Variants in HS3ST4 observed in about 807,000 individuals in gnomAD.
The protein encoded by HS3ST4 is heparan sulfate-glucosamine 3-sulfotransferase 4, also known as heparan sulfate glucosamine 3-O-sulfotransferase 4.
Under a neutral mutation model 29.2 loss-of-function variants are expected in HS3ST4, and 17 were observed. The observed-to-expected ratio is 0.58, with a 90% CI of 0.40 to 0.87. The LOEUF (loss-of-function observed/expected upper bound fraction) is 0.87. Ranked by LOEUF, HS3ST4 falls within the 40% of genes least tolerant of loss-of-function variation. The pLI, the probability that HS3ST4 is intolerant of heterozygous loss-of-function variation, is 0.00. For synonymous variants in HS3ST4, 314 were observed against 285.7 expected (o/e 1.10, Z -1.00); for missense variants, 627 against 634.5 (o/e 0.99, Z 0.13).
chr16:26,106,400 C>T (rs1452274569), intron 1 of HS3ST4, among the ~76,000 whole-genome samples: 9 of 152,140 alleles, frequency 5.9e-5, no homozygotes, highest in Non-Finnish European at 1.0e-4. Context: ...TATCTGGCTA[C>T]TTTATTTGAT....
chr16:25,869,990 A>G (rs750450216), intron 1 of HS3ST4, among the ~76,000 whole-genome samples: 10 of 152,300 alleles, frequency 6.6e-5, no homozygotes, highest in South Asian at 2.1e-4. Flanking sequence ...TGGAGTGTTC[A>G]TCTCTATCTC....
intron 1 of HS3ST4, among the ~76,000 whole-genome samples, chr16:25,836,853 C>G (rs1436803262): frequency 2.0e-5 from 3 of 152,194 alleles, no homozygotes; most frequent in Non-Finnish European, 4.4e-5. Context: ...GAAGCCTACA[C>G]AATTTATAGT....
chr16:25,963,008 A>T (rs949317399), intron 1 of HS3ST4, among the ~76,000 whole-genome samples: 6 of 152,216 alleles, frequency 3.9e-5, no homozygotes, highest in Non-Finnish European at 7.3e-5. Flanking sequence ...GTGTATTTAT[A>T]TCAAAACGAA....
chr16:25,718,071 A>C (rs1198011886), intron 1 of HS3ST4, among the ~76,000 whole-genome samples: 1 of 152,188 alleles, frequency 6.6e-6, no homozygotes, highest in Non-Finnish European at 1.5e-5. Flanking sequence ...CTTGTGTAAC[A>C]GGATGGGAGA....
chr16:26,096,636 A>G (rs1898929949), intron 1 of HS3ST4, among the ~76,000 whole-genome samples: 1 of 152,226 alleles, frequency 6.6e-6, no homozygotes, highest in South Asian at 2.1e-4. Flanking sequence ...CACAGCCATT[A>G]TCATACAGAA....
At chr16:25,919,562 A>G (rs1024988000) in intron 1 of HS3ST4, among the ~76,000 whole-genome samples, 1 of 152,286 alleles carries the variant, frequency 6.6e-6, no homozygotes, top group Non-Finnish European at 1.5e-5. Flanking sequence ...GGACTTGGTG[A>G]TATCACTTAG....
chr16:25,912,194 A>G (rs1968248079), intron 1 of HS3ST4, among the ~76,000 whole-genome samples: 2 of 152,156 alleles, frequency 1.3e-5, no homozygotes, highest in African/African-American at 4.8e-5. Flanking sequence ...CCATTTCTCC[A>G]TGGTAAAACC....
Position 25,873,520 on chromosome 16 carries a change from A to G in HS3ST4, c.734+180369A>G, listed in dbSNP as rs368978696. Among the ~76,000 whole-genome samples, 134 of 142,552 alleles carry G rather than the reference A, an allele frequency of 9.4e-4. 2 individuals are homozygous for G. The highest frequency in any genetic ancestry group is 4.3e-3 in the Middle Eastern group (1 of 232). 93.5% of individuals were successfully genotyped at this position (142,552 alleles called of 152,430 possible). On this transcript the variant is annotated intron_variant, in intron 1 of 1. Coordinates refer to ENST00000331351, the MANE Select transcript of HS3ST4 (RefSeq NM_006040.3). ...TATCTATCTATCTATCTATCTATCT[A>G]TCTGTCTATCTATCTATCTTTCTCT...
chr16:26,136,038 T>C lies in HS3ST4; in HGVS notation c.1161T>C (p.Tyr387=). 1 of 1,613,936 alleles carries C rather than the reference T, an allele frequency of 6.2e-7. No homozygotes were observed. Among genetic ancestry groups the C allele is most frequent in the African/African-American group, 1.3e-5 (1 of 75,032 alleles). Residue 387 remains tyrosine, a synonymous_variant, in exon 2 of 2, where the codon TAT becomes TAC. Coordinates refer to ENST00000331351, the MANE Select transcript of HS3ST4 (RefSeq NM_006040.3). Reference sequence around the variant, plus strand: ...GTGTTGTGACTGAGAAGCATTTCTATTTCAACAAAACCAAGGGGTTCCCTT... The same window carrying C: ...GTGTTGTGACTGAGAAGCATTTCTACTTCAACAAAACCAAGGGGTTCCCTT... ...LKRVVTEKHF[Y]FNKTKGFPCL...
intron 1 of HS3ST4, among the ~76,000 whole-genome samples, chr16:26,011,991 G>T (rs1969315462): frequency 6.6e-6 from 1 of 152,038 alleles, no homozygotes. Context: ...AGATTGAGAG[G>T]ACTATAAAGT....
intron 1 of HS3ST4, among the ~76,000 whole-genome samples, chr16:25,900,365 G>T (rs1218699036): frequency 1.4e-5 from 2 of 143,428 alleles, no homozygotes; most frequent in Admixed American, 7.3e-5. Context: ...TGCTTTTTAT[G>T]CCACCTTTAA....
At chr16:25,978,134 C>A (rs150741375) in intron 1 of HS3ST4, among the ~76,000 whole-genome samples, 8 of 152,296 alleles carry the variant, frequency 5.3e-5, no homozygotes, top group Admixed American at 4.6e-4. Flanking sequence ...GGGTACTAAG[C>A]CTGGTAGCTA....
rs577358700 is a variant in HS3ST4 at position 26,037,999 on chromosome 16, T to C, written c.735-97613T>C. On this transcript the variant is annotated intron_variant, in intron 1 of 1. Coordinates refer to ENST00000331351, the MANE Select transcript of HS3ST4 (RefSeq NM_006040.3). ...GTCAAAAGCCTCCAATGACTCCCCCTGTCTCTCAGAAGAGTAAAAGTCCTT... is the reference window on the plus strand; with the variant it reads ...GTCAAAAGCCTCCAATGACTCCCCCCGTCTCTCAGAAGAGTAAAAGTCCTT... Among the ~76,000 whole-genome samples, 257 of 152,298 alleles carry C rather than the reference T, an allele frequency of 1.7e-3. 1 individual carries two copies. Among genetic ancestry groups the C allele is most frequent in the African/African-American group, 6.0e-3 (248 of 41,562 alleles).
chr16:26,069,514 G>A (rs1377486869), intron 1 of HS3ST4, among the ~76,000 whole-genome samples: 3 of 151,764 alleles, frequency 2.0e-5, no homozygotes, highest in African/African-American at 4.8e-5. Context: ...AAGTAATCGC[G>A]GTTGATGCCT....
intron 1 of HS3ST4, among the ~76,000 whole-genome samples, chr16:26,104,569 T>C (rs953004325): frequency 1.3e-5 from 2 of 152,210 alleles, no homozygotes; most frequent in African/African-American, 4.8e-5. Flanking sequence ...TCTCTATTTT[T>C]ACCTGTTCCC....
chr16:25,947,332 C>T (rs929645595), intron 1 of HS3ST4, among the ~76,000 whole-genome samples: 1 of 152,146 alleles, frequency 6.6e-6, no homozygotes, highest in African/African-American at 2.4e-5. Flanking sequence ...AGTCTAACAA[C>T]TTGTTGTATT....
intron 1 of HS3ST4, among the ~76,000 whole-genome samples, chr16:25,958,801 G>C (rs912898451): frequency 2.0e-5 from 3 of 152,150 alleles, no homozygotes; most frequent in African/African-American, 4.8e-5. Context: ...CTCATGGCTG[G>C]TGTTGGCTCC....
chr16:26,019,817 C>T (rs1025241450), intron 1 of HS3ST4, among the ~76,000 whole-genome samples: 4 of 152,102 alleles, frequency 2.6e-5, no homozygotes, highest in South Asian at 4.1e-4. Flanking sequence ...CTGTCCAAGC[C>T]GTTTGGTTCA....
chr16:25,743,141 T>C (rs1966665593), intron 1 of HS3ST4, among the ~76,000 whole-genome samples: 1 of 152,196 alleles, frequency 6.6e-6, no homozygotes, highest in Non-Finnish European at 1.5e-5. Context: ...AAACCTTGCA[T>C]GTTTCAGTGA....
Sources: gnomAD v4.1 joint callset for allele counts (sites outside exome capture counted in the v4.1 genomes callset) on GRCh38, gnomAD v4.1.1 for gene constraint, MANE v1.5 for transcripts, NCBI Gene and HGNC (gene_info 2026-07-23, HGNC 2026-07-21) for gene names.